SETD5: variants seen among roughly 807,000 people sequenced by gnomAD.
The protein encoded by SETD5 is SET domain containing 5.
In SETD5, 44 loss-of-function variants were observed where a neutral mutation model predicts 153.3. The observed-to-expected ratio is 0.29, with a 90% CI of 0.23 to 0.37. The LOEUF (loss-of-function observed/expected upper bound fraction) is 0.37, where lower values mean the gene tolerates loss of function less well. SETD5 is among the 10% of genes least tolerant of loss of function. The pLI is 1.00. For synonymous variants in SETD5, 716 were observed against 645.2 expected (o/e 1.11, Z -1.66); for missense variants, 1,544 against 1,768.0 (o/e 0.87, Z 2.27).
chr3:9,457,260 G>GCA (rs1443395483), intron 17 of SETD5, among the ~76,000 whole-genome samples: 23 of 152,148 alleles, frequency 1.5e-4, no homozygotes, highest in Non-Finnish European at 1.3e-4. Context: ...AGGCCGAGAT[G>GCA]GGTGGATCAC....
At chr3:9,415,729 A>G (rs2037316913) in intron 1 of SETD5, among the ~76,000 whole-genome samples, 1 of 152,094 alleles carries the variant, frequency 6.6e-6, no homozygotes, top group Non-Finnish European at 1.5e-5. Flanking sequence ...AGCTTGGACT[A>G]CAGGTATGCA....
intron 17 of SETD5, among the ~76,000 whole-genome samples, chr3:9,459,495 G>C (rs1435075199): frequency 1.3e-5 from 2 of 151,970 alleles, no homozygotes; most frequent in African/African-American, 4.8e-5. Flanking sequence ...GAATAGCCAG[G>C]TGTGGTGGCT....
At position 9,470,529 on chromosome 3, in the gene SETD5, A is replaced by G; in HGVS notation, c.2795A>G (p.Asp932Gly). 2.5e-6 allele frequency: 4 copies of G among 1,613,978 alleles called. No individual in the cohort carries two copies. The South Asian group carries it at 4.4e-5, about 18-fold the overall frequency. ...YLDSNTNSCA[D>G]RPSLLNSGHS... ...GACTCCAACACTAACAGCTGTGCTGATAGACCTTCCCTACTCAACTCAGGT... is the reference window on the plus strand; with the variant it reads ...GACTCCAACACTAACAGCTGTGCTGGTAGACCTTCCCTACTCAACTCAGGT... Residue 932 changes from aspartate (D) to glycine (G), a missense_variant, in exon 19 of 23, where the codon GAT (aspartate) becomes GGT (glycine). Around this residue, in one of 9 missense-constraint regions of SETD5, gnomAD observed 782 missense variants for 787.2 expected, o/e 0.99. Coordinates refer to ENST00000402198, the MANE Select transcript of SETD5 (RefSeq NM_001080517.3).
chr3:9,447,597 G>T, intron 14 of SETD5, 89 bp from the exon 15 acceptor site: 1 of 1,373,350 alleles, frequency 7.3e-7, no homozygotes. Context: ...TTCATCAGTA[G>T]ACATTCTGAA....
At chr3:9,399,024 A>G (rs955302406) in intron 1 of SETD5, among the ~76,000 whole-genome samples, 3 of 152,104 alleles carry the variant, frequency 2.0e-5, no homozygotes, top group African/African-American at 4.8e-5. Context: ...TCTGGGTTCC[A>G]CTGGGCTTTG....
intron 1 of SETD5, among the ~76,000 whole-genome samples, chr3:9,424,244 A>G (rs2038824415): frequency 6.6e-6 from 1 of 152,230 alleles, no homozygotes; most frequent in Non-Finnish European, 1.5e-5. Context: ...TAAGTCAAAT[A>G]ATTTCCTTCT....
chr3:9,455,168 C>CTTT (rs903600741), intron 17 of SETD5, among the ~76,000 whole-genome samples: 2,403 of 99,780 alleles, frequency 0.024, 123 homozygotes, highest in African/African-American at 0.075. Context: ...TTCTTTTTTT[C>CTTT]TTTTTTTTTT....
chr3:9,424,750 A>G (rs1368055562), intron 2 of SETD5, among the ~76,000 whole-genome samples: 1 of 152,214 alleles, frequency 6.6e-6, no homozygotes. Context: ...AACAAATTAT[A>G]ATAAGAAAAT....
At chr3:9,406,930 A>G (rs2035792516) in intron 1 of SETD5, among the ~76,000 whole-genome samples, 1 of 152,244 alleles carries the variant, frequency 6.6e-6, no homozygotes, top group African/African-American at 2.4e-5. Flanking sequence ...TAAATCAGGT[A>G]GTCACCTTAT....
chr3:9,467,263 G>A (rs11915752), intron 18 of SETD5, among the ~76,000 whole-genome samples: 4,702 of 147,440 alleles, frequency 0.032, 134 homozygotes, highest in South Asian at 0.055. Context: ...ATATTTTTGA[G>A]AAGGAAAAAA....
intron 17 of SETD5, among the ~76,000 whole-genome samples, chr3:9,455,669 G>A (rs2043147444): frequency 6.6e-6 from 1 of 151,918 alleles, no homozygotes. Flanking sequence ...TAAGGTGTTA[G>A]TAAGAATATA....
At chr3:9,408,623 C>A (rs1001971695) in intron 1 of SETD5, among the ~76,000 whole-genome samples, 1 of 151,910 alleles carries the variant, frequency 6.6e-6, no homozygotes, top group Admixed American at 6.6e-5. Flanking sequence ...AACCTCCCCC[C>A]ACCTGTATTT....
At chr3:9,426,610 C>G (rs946299594) in intron 2 of SETD5, among the ~76,000 whole-genome samples, 14 of 152,102 alleles carry the variant, frequency 9.2e-5, no homozygotes, top group African/African-American at 2.7e-4. Flanking sequence ...CCAGGCTGGT[C>G]TCGAATTCCT....
intron 1 of SETD5, among the ~76,000 whole-genome samples, chr3:9,411,369 T>C (rs999015345): frequency 2.0e-5 from 3 of 152,244 alleles, no homozygotes; most frequent in Non-Finnish European, 2.9e-5. Context: ...AAATAAAATA[T>C]TAAAACTTTA....
intron 3 of SETD5, chr3:9,430,703 T>G (rs747374385): frequency 8.7e-6 from 4 of 457,770 alleles, no homozygotes; most frequent in Non-Finnish European, 1.1e-5. Flanking sequence ...CGTTTGGAAT[T>G]GCTGGATAAA....
chr3:9,415,021 A>C (rs60465913), intron 1 of SETD5, among the ~76,000 whole-genome samples: 12,155 of 152,216 alleles, frequency 0.08, 1,632 homozygotes, highest in African/African-American at 0.28. Context: ...TAGTGCTAGA[A>C]TTCTGGACTT....
At chr3:9,474,614 T>G (rs1435994826) in intron 21 of SETD5, 32 bp downstream of exon 21, 5 of 1,611,222 alleles carry the variant, frequency 3.1e-6, no homozygotes, top group Non-Finnish European at 3.4e-6. Context: ...GCCACCACAT[T>G]CAGGGACACA....
At chr3:9,464,390 G>C (rs769174603) in intron 17 of SETD5, 35 bp from the exon 18 acceptor site, 1 of 1,590,254 alleles carries the variant, frequency 6.3e-7, no homozygotes, top group Non-Finnish European at 8.6e-7. Flanking sequence ...TTAATCTGTG[G>C]TTTCAAACTC....
intron 13 of SETD5, among the ~76,000 whole-genome samples, chr3:9,446,318 C>A (rs569259862): frequency 1.3e-5 from 2 of 148,550 alleles, no homozygotes; most frequent in African/African-American, 2.5e-5. Flanking sequence ...ATCTGGTTTC[C>A]GAAAAACTGG....
Sources: gnomAD v4.1 joint callset for allele counts (sites outside exome capture counted in the v4.1 genomes callset) on GRCh38, gnomAD v4.1.1 for gene constraint, gnomAD v4.1.1 regional missense constraint, MANE v1.5 for transcripts, NCBI Gene and HGNC (gene_info 2026-07-23, HGNC 2026-07-21) for gene names.